Variants in DPEP2 observed in about 807,000 individuals in gnomAD.
DPEP2 encodes the protein dipeptidase 2.
DPEP2 carries 45 observed loss-of-function variants against 51.8 expected under a neutral mutation model. The ratio of observed to expected loss-of-function variants is 0.87; its 90% CI spans 0.68 to 1.11. The LOEUF is 1.11. DPEP2 is among the 50% of genes most tolerant of loss of function. The probability of loss-of-function intolerance (pLI) is 0.00; values close to 1 mark genes in which losing one functional copy is unlikely to be tolerated. For synonymous variants in DPEP2, 255 were observed against 262.7 expected (o/e 0.97, Z 0.28); for missense variants, 604 against 631.9 (o/e 0.96, Z 0.47).
chr16:67,993,853 CCTT>C, intron 1 of DPEP2: 1 of 985,484 alleles, frequency 1.0e-6, no homozygotes, highest in Non-Finnish European at 1.2e-6. Flanking sequence ...CTGGCCCTGA[CCTT>C]CTCTCTCCCG....
At chr16:67,994,961 C>T in intron 1 of DPEP2, 8 of 926,802 alleles carry the variant, frequency 8.6e-6, no homozygotes, top group Non-Finnish European at 1.0e-5. Context: ...AGGGTAGTGG[C>T]ACAATCTTGG....
At chr16:67,997,585 C>T (rs964456219) in intron 1 of DPEP2, among the ~76,000 whole-genome samples, 5 of 151,568 alleles carry the variant, frequency 3.3e-5, no homozygotes, top group East Asian at 2.0e-4. Flanking sequence ...CTTGATCTCC[C>T]GACCTCGTGA....
In DPEP2 at chr16:67,991,140, ATGT is replaced by A. The variant is rs749950968; in HGVS notation, c.704_706del (p.Asn235del). The A allele has an allele frequency of 6.8e-6, 11 of 1,614,072 alleles. No individual in the cohort carries two copies. The highest frequency in any genetic ancestry group is 4.5e-5 in the East Asian group (2 of 44,876). ...CTCACCAAAGTCAGTCAGCCCGCTG[ATGT>A]TGTTGTAGAAGGAGTGGACGCCCTT... is the stretch of plus-strand genomic sequence containing the variant. On this transcript the variant is annotated inframe_deletion, in exon 6 of 11. Coordinates refer to ENST00000393847, the MANE Select transcript of DPEP2 (RefSeq NM_022355.4). This position sits in a 1 kb window ranked among gnomAD's most constrained non-coding sequence, Gnocchi z 5.1.
At chr16:67,989,618 A>T (rs938672994) in intron 8 of DPEP2, among the ~76,000 whole-genome samples, 2 of 152,244 alleles carry the variant, frequency 1.3e-5, no homozygotes, top group Admixed American at 1.3e-4. Flanking sequence ...GTGGATCCAC[A>T]GAGCCACTTG....
Position 67,991,370 on chromosome 16 carries a change from CT to C in DPEP2, c.663-187del, listed in dbSNP as rs918452974. The stretch of plus-strand genomic sequence containing the variant: ...TGGGTCCAGTCTTTTTTTTCCTTTT[CT>C]TTTTTTTTTTTTTTTGGCAATAGAG... On this transcript the variant is annotated intron_variant, in intron 5 of 10. Transcript: ENST00000393847. The surrounding 1 kb of genome is among the most constrained non-coding windows in gnomAD (Gnocchi z 5.1). 9.3e-3 allele frequency among the ~76,000 whole-genome samples: 1,278 copies of C among 137,392 alleles called. 9 individuals are homozygous for C. Among genetic ancestry groups the C allele is most frequent in the African/African-American group, 0.024 (882 of 37,400 alleles). 90.1% of individuals were successfully genotyped at this position (137,392 alleles called of 152,430 possible).
At position 67,990,047 on chromosome 16, in the gene DPEP2, C is replaced by T; in HGVS notation, c.994G>A (p.Asp332Asn). ...NPSANVSTVA[D>N]HFDHIKAVIG... ...CAGAGAGCCCGGGAGAGGGAGTTACCTGCCACAGTGGACACATTGGCTGAT... is the reference window on the plus strand; with the variant it reads ...CAGAGAGCCCGGGAGAGGGAGTTACTTGCCACAGTGGACACATTGGCTGAT... The change falls in exon 8 of 11, where the codon GAT becomes AAT. Residue 332 changes from aspartate (D) to asparagine (N), a missense_variant and splice_region_variant. Coordinates refer to ENST00000393847, the MANE Select transcript of DPEP2 (RefSeq NM_022355.4). The T allele has an allele frequency of 6.2e-7, 1 of 1,614,118 alleles. No homozygotes were observed. Among genetic ancestry groups the T allele is most frequent in the South Asian group, 1.1e-5 (1 of 91,080 alleles).
Position 67,990,943 on chromosome 16 carries a change from A to G in DPEP2, c.787T>C (p.Ser263Pro). The part of the protein sequence containing the change: ...LGMMVDLSHV[S>P]DAVARRALEV... ...AGGGCCCGCCGTGCCACAGCATCTG[A>G]GACATGGGATAAGTCTACCATCATG... Residue 263 changes from serine to proline, a missense_variant, in exon 7 of 11, where the codon TCA (serine) becomes CCA (proline). Transcript: ENST00000393847. 2 of 1,614,204 alleles carry G rather than the reference A, an allele frequency of 1.2e-6. No individual in the cohort carries two copies. The highest frequency in any genetic ancestry group is 2.2e-5 in the South Asian group (2 of 91,088).
intron 1 of DPEP2, among the ~76,000 whole-genome samples, chr16:67,998,022 G>T (rs1430346616): frequency 6.6e-6 from 1 of 152,174 alleles, no homozygotes; most frequent in Admixed American, 6.5e-5. Flanking sequence ...ACTGATATTG[G>T]CAGCTCCTAA....
chr16:67,999,555 G>C (rs766184361), upstream of DPEP2: 223 of 975,654 alleles, frequency 2.3e-4, no homozygotes, highest in Non-Finnish European at 2.6e-4. Context: ...TAGGCCTCCT[G>C]GTTGGCTAAC....
At position 67,992,111 on chromosome 16, in the gene DPEP2, C is replaced by T. The variant is rs368160537; in HGVS notation, c.473G>A (p.Arg158His). The change falls in exon 4 of 11, where the codon CGC becomes CAC. Residue 158 changes from arginine (R) to histidine (H), a missense_variant. Transcript: ENST00000393847. ...LTLEQIDLIR[R>H]MCASYSELEL... ...CAGCTCAGAATAGGAGGCACACATG[C>T]GGCGTATGAGGTCAATCTGCTCCAG... is the stretch of plus-strand genomic sequence containing the variant. 34 of 1,614,160 alleles carry T rather than the reference C, an allele frequency of 2.1e-5. No homozygotes were observed. The highest frequency in any genetic ancestry group is 3.3e-5 in the Admixed American group (2 of 60,006).
At chr16:67,997,114 T>C (rs1253874360) in intron 1 of DPEP2, among the ~76,000 whole-genome samples, 2 of 148,290 alleles carry the variant, frequency 1.3e-5, no homozygotes, top group Non-Finnish European at 3.0e-5. Flanking sequence ...CTCACTGCAA[T>C]CTCTGCCTCC....
chr16:67,991,944 C>A lies in DPEP2; in HGVS notation c.556G>T (p.Gly186Cys), dbSNP rs201302210. The change falls in exon 5 of 11, where the codon GGT becomes TGT. Residue 186 changes from glycine (G) to cysteine (C), a missense_variant. Transcript: ENST00000393847. This position sits in a 1 kb window ranked among gnomAD's most constrained non-coding sequence, Gnocchi z 5.1. ...NDTQKLACLIGVEGGHSLDNS... is the reference protein window; with the variant it reads ...NDTQKLACLICVEGGHSLDNS... ...TCCAGCGAGTGGCCACCCTCTACAC[C>A]GATGAGGCAGGCCAATTTCTGAGTG... is the stretch of plus-strand genomic sequence containing the variant. 2 of 1,614,170 alleles carry A rather than the reference C, an allele frequency of 1.2e-6. No individual in the cohort carries two copies. The highest frequency in any genetic ancestry group is 2.7e-5 in the African/African-American group (2 of 75,050).
At position 67,987,550 on chromosome 16, in the gene DPEP2, G is replaced by A; in HGVS notation, c.1417C>T (p.Leu473Phe). The A allele has an allele frequency of 6.2e-7, 1 of 1,614,202 alleles. No homozygotes were observed. Among genetic ancestry groups the A allele is most frequent in the Non-Finnish European group, 8.5e-7 (1 of 1,180,018 alleles). ...ACTGGGAAGGTGGCCACAACTGCAAGGACTGGGGCCATGTGGGGGGAGGAC... is the reference window on the plus strand; with the variant it reads ...ACTGGGAAGGTGGCCACAACTGCAAAGACTGGGGCCATGTGGGGGGAGGAC... ...SESSPHMAPV[L>F]AVVATFPVLI... is the part of the protein sequence containing the mutation. The change falls in exon 11 of 11, where the codon CTT becomes TTT. Residue 473 changes from leucine to phenylalanine, a missense_variant. Physicochemically the swap from Leu to Phe is conservative, Grantham distance 22. Coordinates refer to ENST00000393847, the MANE Select transcript of DPEP2 (RefSeq NM_022355.4).
rs1228965230 is a variant in DPEP2, at chr16:67,989,329, G to A, written c.1064C>T (p.Ala355Val). ...CCACAGGGAAGGCACTCACTTGCCG[G>A]CCCCATCATAATCTCCACCAATCCC... Reference protein sequence around the residue: ...FIGIGGDYDGAGKFPQGLEDV... With the variant: ...FIGIGGDYDGVGKFPQGLEDV... Residue 355 changes from alanine (A) to valine (V), a missense_variant, in exon 9 of 11, where the codon GCC (alanine) becomes GTC (valine). Transcript: ENST00000393847. 12 of 1,614,060 alleles carry A rather than the reference G, an allele frequency of 7.4e-6. No individual in the cohort carries two copies. The highest frequency in any genetic ancestry group is 1.0e-5 in the Non-Finnish European group (12 of 1,180,032).
At chr16:67,997,740 G>C (rs1264982971) in intron 1 of DPEP2, among the ~76,000 whole-genome samples, 1 of 152,198 alleles carries the variant, frequency 6.6e-6, no homozygotes, top group Non-Finnish European at 1.5e-5. Context: ...GGTAAGGAAT[G>C]AAGGGGCCTG....
At chr16:67,998,381 T>A (rs2032823383) in intron 1 of DPEP2, among the ~76,000 whole-genome samples, 1 of 152,174 alleles carries the variant, frequency 6.6e-6, no homozygotes, top group African/African-American at 2.4e-5. Flanking sequence ...GAGGATGTAC[T>A]GGGTCCCCCA....
Position 67,991,206 on chromosome 16 carries a change from G to T in DPEP2, c.663-22C>A. 6.2e-7 allele frequency: 1 copy of T among 1,611,736 alleles called. No individual in the cohort carries two copies. On this transcript the variant is annotated intron_variant, in intron 5 of 10. Coordinates refer to ENST00000393847, the MANE Select transcript of DPEP2 (RefSeq NM_022355.4). The surrounding 1 kb of genome is among the most constrained non-coding windows in gnomAD (Gnocchi z 5.1). ...TGCCCTGCAGGGTGGCCAGGAAGCA[G>T]TCTGACTGGTAGCTGTTCCTCGGCC...
Position 67,987,428 on chromosome 16 carries a change from T to C in DPEP2, c.*78A>G. On this transcript the variant is annotated 3_prime_UTR_variant, in exon 11 of 11. Transcript: ENST00000393847. ...CCAAAACATTTATTTCAGGAAATAT[T>C]TGTGCCTGCACAACAGGGGAACTTT... 2 of 1,527,518 alleles carry C rather than the reference T, an allele frequency of 1.3e-6. No homozygotes were observed. Among genetic ancestry groups the C allele is most frequent in the Non-Finnish European group, 1.8e-6 (2 of 1,129,076 alleles). 94.6% of individuals were successfully genotyped at this position (1,527,518 alleles called of 1,614,324 possible). A position where few individuals can be genotyped will look rare whatever the true frequency, so the allele number is the denominator to read the frequency against.
chr16:67,990,241 C>T lies in DPEP2; in HGVS notation c.910-110G>A, dbSNP rs2031962190. 92 of 988,736 alleles carry T rather than the reference C, an allele frequency of 9.3e-5. No individual in the cohort carries two copies. The South Asian group carries it at 1.3e-3, about 14-fold the overall frequency. 61.2% of individuals were successfully genotyped at this position (988,736 alleles called of 1,614,324 possible). On this transcript the variant is annotated intron_variant, in intron 7 of 10. Transcript: ENST00000393847. ...GGTGTTCAGCTCTGACTTCAGGAGT[C>T]AGCAGAAACTTCACCTCTCTGGTTT... is the stretch of plus-strand genomic sequence containing the variant.
Sources: gnomAD v4.1 joint callset for allele counts (sites outside exome capture counted in the v4.1 genomes callset) on GRCh38, gnomAD v4.1.1 for gene constraint, Gnocchi (gnomAD v3.1) non-coding constraint, MANE v1.5 for transcripts, NCBI Gene and HGNC (gene_info 2026-07-23, HGNC 2026-07-21) for gene names.